TPP2: variants seen among roughly 807,000 people sequenced by gnomAD.
TPP2 encodes the protein tripeptidyl-peptidase 2.
Under a neutral mutation model 155.9 loss-of-function variants are expected in TPP2, and 34 were observed. The ratio of observed to expected loss-of-function variants is 0.22; its 90% CI spans 0.17 to 0.29. The LOEUF is 0.29. Ranked by LOEUF, TPP2 falls within the 10% of genes least tolerant of loss-of-function variation. The pLI, the probability that TPP2 is intolerant of heterozygous loss-of-function variation, is 1.00. For synonymous variants in TPP2, 510 were observed against 529.4 expected, an observed-to-expected ratio of 0.96 and a Z score of 0.50; for missense variants, 1,028 against 1,522.3, an observed-to-expected ratio of 0.68 and a Z score of 5.40.
At chr13:102,607,140 A>G (rs185470080) in intron 2 of TPP2, among the ~76,000 whole-genome samples, 18 of 152,304 alleles carry the variant, frequency 1.2e-4, no homozygotes, top group Admixed American at 1.0e-3. Context: ...CCTGATGCTG[A>G]GCTTCCAGCC....
chr13:102,629,722 T>C, intron 9 of TPP2, 113 bp downstream of exon 9: 1 of 1,367,674 alleles, frequency 7.3e-7, no homozygotes, highest in Non-Finnish European at 9.5e-7. Flanking sequence ...ACACCTTAAG[T>C]GTGTCCTCAG....
chr13:102,654,872 T>C (rs921888871), intron 24 of TPP2: 1 of 445,572 alleles, frequency 2.2e-6, no homozygotes, highest in Admixed American at 2.4e-5. Context: ...ATTTTGCGCT[T>C]ACCTTGGCTT....
chr13:102,643,316 A>G lies in TPP2; in HGVS notation c.2115A>G (p.Glu705=), dbSNP rs756354945. The G allele has an allele frequency of 6.8e-6, 11 of 1,613,324 alleles. No individual in the cohort carries two copies. The highest frequency in any genetic ancestry group is 1.7e-5 in the Admixed American group (1 of 59,858). Residue 705 remains glutamate (E), a synonymous_variant, in exon 17 of 30, where the codon GAA becomes GAG. Coordinates refer to ENST00000376052, the MANE Select transcript of TPP2 (RefSeq NM_001330588.2). ...AGCAAAGAGCATATCGAAGCCATGA[A>G]TTCTATAAGTTTTGTTCTCTTCCAG... ...LVKQRAYRSH[E]FYKFCSLPEK...
rs141975686 is a variant in TPP2 at position 102,663,672 on chromosome 13, C to G, written c.3168C>G (p.Asn1056Lys). The stretch of plus-strand genomic sequence containing the variant: ...GGCTGGATTCTAGTGACATTTATAA[C>G]GAATTGAAAGAAACATATCCTAATT... ...MTKLDSSDIY[N>K]ELKETYPNYL... The change falls in exon 26 of 30, where the codon AAC (asparagine) becomes AAG (lysine). Residue 1056 changes from asparagine (N) to lysine (K), a missense_variant. Transcript: ENST00000376052. The G allele has an allele frequency of 2.2e-5, 35 of 1,603,508 alleles. No homozygotes were observed. The highest frequency in any genetic ancestry group is 3.0e-5 in the Non-Finnish European group (35 of 1,176,558).
intron 16 of TPP2, among the ~76,000 whole-genome samples, chr13:102,642,015 C>G (rs949886813): frequency 6.6e-6 from 1 of 152,100 alleles, no homozygotes; most frequent in Non-Finnish European, 1.5e-5. Flanking sequence ...GGCAAGGCCA[C>G]GGGCTTTGGA....
intron 1 of TPP2, among the ~76,000 whole-genome samples, chr13:102,604,568 A>G (rs1445877766): frequency 1.3e-5 from 2 of 152,208 alleles, no homozygotes; most frequent in East Asian, 1.9e-4. Context: ...CTCAGTAAAT[A>G]TTTGTTTATT....
At chr13:102,642,291 A>G (rs1373903609) in intron 16 of TPP2, among the ~76,000 whole-genome samples, 2 of 152,158 alleles carry the variant, frequency 1.3e-5, no homozygotes, top group Non-Finnish European at 2.9e-5. Context: ...TGGGACTTGT[A>G]GAGCTCCAGG....
intron 2 of TPP2, chr13:102,607,956 C>T (rs950368747): frequency 3.7e-5 from 6 of 163,504 alleles, no homozygotes; most frequent in Non-Finnish European, 8.1e-5. Context: ...AATAATATCA[C>T]TAGTGTTCAA....
At chr13:102,633,854 G>GTTA (rs1379457309) in intron 10 of TPP2, 96 bp from the exon 11 acceptor site, 38 of 1,544,474 alleles carry the variant, frequency 2.5e-5, no homozygotes, top group Non-Finnish European at 3.1e-5. Context: ...AGTACATAGT[G>GTTA]TTATACTATT....
At chr13:102,670,169 G>T (rs925586795) in intron 27 of TPP2, among the ~76,000 whole-genome samples, 5 of 83,572 alleles carry the variant, frequency 6.0e-5, no homozygotes, top group African/African-American at 2.1e-4. Context: ...AGGTATTGTG[G>T]GTGGGGGGGT....
At chr13:102,668,860 A>C (rs947319173) in intron 27 of TPP2, among the ~76,000 whole-genome samples, 3 of 152,200 alleles carry the variant, frequency 2.0e-5, no homozygotes, top group Non-Finnish European at 2.9e-5. Context: ...AGTTTTCTTC[A>C]ACATCTCCCA....
At chr13:102,664,312 T>C (rs1179712798) in intron 26 of TPP2, among the ~76,000 whole-genome samples, 1 of 152,194 alleles carries the variant, frequency 6.6e-6, no homozygotes, top group Non-Finnish European at 1.5e-5. Flanking sequence ...GTAATCACAG[T>C]TAGACTGTTG....
intron 17 of TPP2, among the ~76,000 whole-genome samples, chr13:102,643,771 C>T (rs1882919646): frequency 6.6e-6 from 1 of 152,192 alleles, no homozygotes; most frequent in Admixed American, 6.5e-5. Context: ...TATAGGAAAA[C>T]TGCTACTGCT....
chr13:102,667,962 C>T (rs967552403), intron 27 of TPP2: 10 of 243,718 alleles, frequency 4.1e-5, no homozygotes, highest in African/African-American at 7.0e-5. Flanking sequence ...GAGCCAGCGA[C>T]GCTCACATTT....
intron 10 of TPP2, 38 bp downstream of exon 10, chr13:102,630,233 C>T (rs1289061399): frequency 2.0e-5 from 30 of 1,505,052 alleles, no homozygotes; most frequent in Non-Finnish European, 2.6e-5. Context: ...TACGTATATT[C>T]GGTTAAACTT....
At chr13:102,660,384 G>T (rs902129334) in intron 25 of TPP2, among the ~76,000 whole-genome samples, 1 of 151,984 alleles carries the variant, frequency 6.6e-6, no homozygotes, top group Non-Finnish European at 1.5e-5. Context: ...GAAATTAAGA[G>T]AATCCCATTT....
intron 15 of TPP2, among the ~76,000 whole-genome samples, chr13:102,639,186 C>T (rs964626271): frequency 3.3e-5 from 5 of 151,984 alleles, no homozygotes; most frequent in African/African-American, 1.2e-4. Flanking sequence ...GTGAGCCCAC[C>T]GAAGGCACAG....
intron 2 of TPP2, among the ~76,000 whole-genome samples, chr13:102,612,461 A>G (rs1442752349): frequency 6.6e-6 from 1 of 152,240 alleles, no homozygotes; most frequent in Non-Finnish European, 1.5e-5. Flanking sequence ...TGTTATTAGA[A>G]CCATTTTTAA....
At chr13:102,614,297 A>C in intron 3 of TPP2, 101 bp downstream of exon 3, 1 of 1,088,574 alleles carries the variant, frequency 9.2e-7, no homozygotes, top group South Asian at 1.8e-5. Flanking sequence ...ATAAAATCTC[A>C]TTAACTTAGT....
Sources: gnomAD v4.1 joint callset for allele counts (sites outside exome capture counted in the v4.1 genomes callset) on GRCh38, gnomAD v4.1.1 for gene constraint, MANE v1.5 for transcripts, NCBI Gene and HGNC (gene_info 2026-07-23, HGNC 2026-07-21) for gene names.